Variants in LRP1B observed in about 807,000 individuals in gnomAD.
The protein encoded by LRP1B is LDL receptor related protein 1B, also known as low-density lipoprotein receptor-related protein 1B.
A neutral mutation model predicts 556.6 loss-of-function variants in LRP1B; 217 were observed. The observed-to-expected ratio is 0.39, with a 90% confidence interval of 0.35 to 0.44. LRP1B has a LOEUF of 0.44. LRP1B is among the 20% of genes least tolerant of loss of function. LRP1B has a pLI of 1.00. For synonymous variants in LRP1B, 2,047 were observed against 1,865.8 expected (o/e 1.10, Z -2.50); for missense variants, 5,053 against 5,620.8 (o/e 0.90, Z 3.23).
intron 1 of LRP1B, among the ~76,000 whole-genome samples, chr2:142,015,768 C>T (rs1255014885): frequency 4.0e-5 from 6 of 151,708 alleles, no homozygotes; most frequent in South Asian, 2.1e-4. Context: ...CCGAGGCGGG[C>T]GGATCACGAG....
intron 1 of LRP1B, among the ~76,000 whole-genome samples, chr2:141,951,415 C>G (rs1392107406): frequency 6.6e-6 from 1 of 152,122 alleles, no homozygotes; most frequent in African/African-American, 2.4e-5. Context: ...TCAGCTCCAA[C>G]GTATAGGTGA....
intron 2 of LRP1B, among the ~76,000 whole-genome samples, chr2:141,615,419 C>T (rs899046518): frequency 2.4e-4 from 37 of 152,138 alleles, no homozygotes; most frequent in Admixed American, 6.5e-4. Context: ...TGTTCACTGA[C>T]ATTTCCCAAA....
intron 4 of LRP1B, among the ~76,000 whole-genome samples, chr2:141,250,215 C>T (rs1684210480): frequency 6.6e-6 from 1 of 152,124 alleles, no homozygotes; most frequent in Admixed American, 6.6e-5. Context: ...TCATAAAGAG[C>T]TCCTCTAGAA....
intron 1 of LRP1B, among the ~76,000 whole-genome samples, chr2:141,905,765 A>ATGTGTGTGTG (rs56309590): frequency 0.022 from 2,198 of 100,226 alleles, 51 homozygotes; most frequent in South Asian, 0.038. Context: ...GTTTGAATAG[A>ATGTGTGTGTG]TGTGTGTGTG....
chr2:140,745,554 G>A (rs1281320068), intron 35 of LRP1B, among the ~76,000 whole-genome samples: 1 of 152,028 alleles, frequency 6.6e-6, no homozygotes, highest in African/African-American at 2.4e-5. Context: ...AAGTTGTTCT[G>A]GGTTTTCTGT....
At position 140,506,932 on chromosome 2, in the gene LRP1B, C is replaced by T. The variant is rs1428855295; in HGVS notation, c.8399-14G>A. On this transcript the variant is annotated splice_polypyrimidine_tract_variant and intron_variant, in intron 52 of 90. Transcript: ENST00000389484. ...TATTATTGGGAGCTAAGAAAGGCAT[C>T]ACAAAAAATAAAGTTAGATGAGCAC... The T allele has an allele frequency of 1.2e-6, 2 of 1,611,072 alleles. No individual in the cohort carries two copies. The highest frequency in any genetic ancestry group is 1.7e-6 in the Non-Finnish European group (2 of 1,178,706).
At chr2:141,060,124 A>T (rs1465043879) in intron 8 of LRP1B, among the ~76,000 whole-genome samples, 1 of 151,854 alleles carries the variant, frequency 6.6e-6, no homozygotes, top group East Asian at 1.9e-4. Flanking sequence ...TGCCAGTTCT[A>T]TAGTTTAAAC....
intron 35 of LRP1B, among the ~76,000 whole-genome samples, chr2:140,767,087 AC>A: frequency 6.6e-6 from 1 of 151,502 alleles, no homozygotes; most frequent in Non-Finnish European, 1.5e-5. Context: ...TGGCATTAGA[AC>A]CCAGGTTGTC....
chr2:141,002,703 G>C (rs1055903072), intron 15 of LRP1B, among the ~76,000 whole-genome samples: 2 of 152,012 alleles, frequency 1.3e-5, no homozygotes, highest in African/African-American at 4.8e-5. Flanking sequence ...TCTTGAAGAA[G>C]TTATTTCAAG....
At chr2:141,900,765 G>A (rs1363003232) in intron 1 of LRP1B, among the ~76,000 whole-genome samples, 1 of 151,710 alleles carries the variant, frequency 6.6e-6, no homozygotes, top group Non-Finnish European at 1.5e-5. Flanking sequence ...TATAACCAAA[G>A]TACACTTGAA....
intron 6 of LRP1B, among the ~76,000 whole-genome samples, chr2:141,190,383 C>A (rs1299381082): frequency 6.6e-6 from 1 of 151,936 alleles, no homozygotes; most frequent in South Asian, 2.1e-4. Context: ...TGCCCCTACG[C>A]TATTCTCAAT....
chr2:140,964,273 G>A (rs908805745), intron 18 of LRP1B, among the ~76,000 whole-genome samples: 1 of 152,126 alleles, frequency 6.6e-6, no homozygotes, highest in Non-Finnish European at 1.5e-5. Flanking sequence ...CATGAAGGTG[G>A]ACTAGGAGCG....
At chr2:141,271,222 T>C (rs1476553686) in intron 3 of LRP1B, among the ~76,000 whole-genome samples, 1 of 150,978 alleles carries the variant, frequency 6.6e-6, no homozygotes, top group Non-Finnish European at 1.5e-5. Flanking sequence ...ACAAAAGCTA[T>C]GGAAAAATAA....
chr2:141,748,966 A>G lies in LRP1B; in HGVS notation c.205+61313T>C, dbSNP rs191447494. On this transcript the variant is annotated intron_variant, in intron 2 of 90. Transcript: ENST00000389484. ...AAGAAGGAATAGTCTCAATACAGACATGAATTTTCAAGCCCTTTATTAAAA... is the reference window on the plus strand; with the variant it reads ...AAGAAGGAATAGTCTCAATACAGACGTGAATTTTCAAGCCCTTTATTAAAA... 3.9e-5 allele frequency among the ~76,000 whole-genome samples: 6 copies of G among 152,356 alleles called. No individual in the cohort carries two copies. The East Asian group carries it at 1.2e-3, about 29-fold the overall frequency.
chr2:141,530,616 G>T (rs866160377), intron 2 of LRP1B, among the ~76,000 whole-genome samples: 8 of 152,070 alleles, frequency 5.3e-5, no homozygotes, highest in African/African-American at 1.9e-4. Flanking sequence ...AACGCAAAGT[G>T]CAATCGAAAA....
chr2:141,505,230 T>C (rs17550543), intron 2 of LRP1B, among the ~76,000 whole-genome samples: 43,547 of 148,376 alleles, frequency 0.29, 7,516 homozygotes, highest in Non-Finnish European at 0.4. Context: ...TATCACATAT[T>C]CTTTGATCTC....
chr2:141,485,155 C>G (rs1012707435), intron 2 of LRP1B, among the ~76,000 whole-genome samples: 9 of 152,068 alleles, frequency 5.9e-5, no homozygotes, highest in Non-Finnish European at 1.3e-4. Context: ...TCTGGGAGAA[C>G]TAAAGAGTTA....
chr2:140,915,250 A>T (rs1694540206), intron 21 of LRP1B, among the ~76,000 whole-genome samples: 1 of 152,136 alleles, frequency 6.6e-6, no homozygotes, highest in African/African-American at 2.4e-5. Flanking sequence ...ATTGGACTAA[A>T]TATAGTTATA....
intron 44 of LRP1B, 113 bp from the exon 45 acceptor site, chr2:140,541,211 A>G (rs1680122882): frequency 2.2e-6 from 2 of 891,312 alleles, no homozygotes; most frequent in African/African-American, 3.4e-5. Flanking sequence ...ATATGTCATT[A>G]AAAAGGAACA....
Sources: gnomAD v4.1 joint callset for allele counts (sites outside exome capture counted in the v4.1 genomes callset) on GRCh38, gnomAD v4.1.1 for gene constraint, MANE v1.5 for transcripts, NCBI Gene and HGNC (gene_info 2026-07-23, HGNC 2026-07-21) for gene names.